The following MACROD2 variants were observed in gnomAD, a reference collection of about 807,000 sequenced individuals.
MACROD2 encodes the protein mono-ADP ribosylhydrolase 2.
Under a neutral mutation model 70.4 loss-of-function variants are expected in MACROD2, and 36 were observed. The observed-to-expected ratio is 0.51, with a 90% CI of 0.39 to 0.68. MACROD2 has a LOEUF of 0.68. MACROD2 is among the 30% of genes least tolerant of loss of function. The pLI is 0.00. For missense variants in MACROD2, 496 were observed against 538.4 expected (o/e 0.92, Z 0.78); for synonymous variants, 172 against 178.8 (o/e 0.96, Z 0.30).
intron 4 of MACROD2, among the ~76,000 whole-genome samples, chr20:14,513,967 T>A (rs1330830220): frequency 6.6e-6 from 1 of 152,104 alleles, no homozygotes; most frequent in African/African-American, 2.4e-5. Context: ...CTTTTTAAAT[T>A]TTACAACATT....
At chr20:15,656,019 A>G (rs1356853185) in intron 8 of MACROD2, among the ~76,000 whole-genome samples, 1 of 151,856 alleles carries the variant, frequency 6.6e-6, no homozygotes, top group African/African-American at 2.4e-5. Context: ...TACAGACACC[A>G]TCTCCATTTC....
At chr20:15,300,003 T>C (rs2077627053) in intron 6 of MACROD2, among the ~76,000 whole-genome samples, 2 of 152,194 alleles carry the variant, frequency 1.3e-5, no homozygotes, top group African/African-American at 4.8e-5. Context: ...TATGGCCCCT[T>C]CTTGCTTTAT....
rs2052891165 is a variant in MACROD2 at position 14,010,759 on chromosome 20, AT to A, written c.163+8358del. On this transcript the variant is annotated intron_variant, in intron 2 of 17. Coordinates refer to ENST00000684519, the MANE Select transcript of MACROD2 (RefSeq NM_001351661.2). The stretch of plus-strand genomic sequence containing the variant: ...TGACCTGGTGTTTGTTAGCTCTTGA[AT>A]TTCTCCAGGATCTGCATCTTGAAAC... 7.2e-5 allele frequency among the ~76,000 whole-genome samples: 11 copies of A among 151,802 alleles called. No individual in the cohort carries two copies. The South Asian group carries it at 1.9e-3, about 26-fold the overall frequency.
rs2073558192 is a variant in MACROD2, at chr20:14,876,988, A to C, written c.418+192029A>C. Among the ~76,000 whole-genome samples, 3 of 152,096 alleles carry C rather than the reference A, an allele frequency of 2.0e-5. 1 individual carries two copies. The South Asian group carries it at 6.2e-4, about 32-fold the overall frequency. On this transcript the variant is annotated intron_variant, in intron 5 of 17. Coordinates refer to ENST00000684519, the MANE Select transcript of MACROD2 (RefSeq NM_001351661.2). ...TAAGAATTTTAGAATCAGTTTTTCT[A>C]ATTCTGTGAAAAATGATGTTGATAA...
intron 5 of MACROD2, among the ~76,000 whole-genome samples, chr20:15,201,033 G>A (rs533723936): frequency 5.9e-5 from 9 of 151,976 alleles, no homozygotes; most frequent in Admixed American, 2.6e-4. Context: ...CCAAGATTTC[G>A]AATTCCCAAC....
intron 3 of MACROD2, among the ~76,000 whole-genome samples, chr20:14,366,864 C>A (rs1011527236): frequency 2.0e-5 from 3 of 152,046 alleles, no homozygotes; most frequent in African/African-American, 7.2e-5. Flanking sequence ...TAATCTCTAG[C>A]TTTTTGTTGG....
intron 10 of MACROD2, among the ~76,000 whole-genome samples, chr20:15,924,134 A>G (rs1171782836): frequency 6.6e-6 from 1 of 152,238 alleles, no homozygotes; most frequent in Non-Finnish European, 1.5e-5. Flanking sequence ...AACATCTTTA[A>G]AGTTTTATTC....
intron 7 of MACROD2, among the ~76,000 whole-genome samples, chr20:15,434,174 A>G (rs2046398563): frequency 6.6e-6 from 1 of 152,062 alleles, no homozygotes; most frequent in African/African-American, 2.4e-5. Context: ...AAACAAAAAT[A>G]AATAATTGGG....
intron 8 of MACROD2, among the ~76,000 whole-genome samples, chr20:15,725,353 C>T (rs2050846302): frequency 1.4e-5 from 2 of 138,396 alleles, no homozygotes; most frequent in Admixed American, 7.6e-5. Context: ...TTAGTATGAA[C>T]GGTAATGTGT....
At chr20:14,097,264 A>G (rs1293941520) in intron 3 of MACROD2, among the ~76,000 whole-genome samples, 1 of 152,194 alleles carries the variant, frequency 6.6e-6, no homozygotes, top group Admixed American at 6.5e-5. Context: ...GCTTGGGGAT[A>G]AATACATCCA....
chr20:14,593,869 T>G (rs1460342623), intron 4 of MACROD2, among the ~76,000 whole-genome samples: 1 of 152,136 alleles, frequency 6.6e-6, no homozygotes, highest in Non-Finnish European at 1.5e-5. Flanking sequence ...CATTAAGAAT[T>G]TAGAATTGTT....
intron 8 of MACROD2, among the ~76,000 whole-genome samples, chr20:15,716,411 C>T (rs1437378708): frequency 6.6e-6 from 1 of 152,112 alleles, no homozygotes; most frequent in Admixed American, 6.6e-5. Context: ...AGCAAATGTT[C>T]CAGACCCATT....
intron 3 of MACROD2, among the ~76,000 whole-genome samples, chr20:14,418,445 T>G (rs1202717016): frequency 6.6e-6 from 1 of 152,196 alleles, no homozygotes; most frequent in Non-Finnish European, 1.5e-5. Flanking sequence ...ACAAAGATCT[T>G]AGAATCTTCC....
At chr20:15,870,833 G>T (rs1422227739) in intron 9 of MACROD2, among the ~76,000 whole-genome samples, 1 of 152,122 alleles carries the variant, frequency 6.6e-6, no homozygotes, top group Non-Finnish European at 1.5e-5. Context: ...CTTAAGTATT[G>T]TTAACACAGC....
At chr20:15,481,829 T>A (rs6043315) in intron 7 of MACROD2, among the ~76,000 whole-genome samples, 37,132 of 152,174 alleles carry the variant, frequency 0.24, 6,649 homozygotes, top group African/African-American at 0.5. Context: ...AAGACAGGGC[T>A]GGCTTCTGCC....
At chr20:14,547,273 A>G (rs146181515) in intron 4 of MACROD2, 81 of 460,258 alleles carry the variant, frequency 1.8e-4, no homozygotes, top group Admixed American at 1.3e-3. Flanking sequence ...CCAGTTATCT[A>G]TATAATCCTC....
chr20:15,408,047 G>A (rs895656350), intron 6 of MACROD2, among the ~76,000 whole-genome samples: 4 of 152,148 alleles, frequency 2.6e-5, no homozygotes. Flanking sequence ...AACAGAACTC[G>A]GTGTGGTCAT....
intron 6 of MACROD2, among the ~76,000 whole-genome samples, chr20:15,395,780 G>A (rs991310092): frequency 1.3e-5 from 2 of 152,166 alleles, no homozygotes; most frequent in Non-Finnish European, 2.9e-5. Flanking sequence ...AATGTTTCTG[G>A]AAACAAGGCA....
At chr20:14,011,485 TGTCTGC>T (rs2052905845) in intron 2 of MACROD2, among the ~76,000 whole-genome samples, 1 of 152,142 alleles carries the variant, frequency 6.6e-6, no homozygotes. Context: ...AGAGCACTTT[TGTCTGC>T]GTTAAAAAGC....
Sources: allele counts gnomAD v4.1 joint callset (sites outside exome capture counted in the v4.1 genomes callset), GRCh38; gene constraint gnomAD v4.1.1; transcripts MANE v1.5; gene names NCBI Gene and HGNC (gene_info 2026-07-23, HGNC 2026-07-21).